The following PKD1L1 variants were observed in gnomAD, a reference collection of about 807,000 sequenced individuals.
PKD1L1 encodes polycystin-1-like protein 1.
In PKD1L1, 236 loss-of-function variants were observed where a neutral mutation model predicts 323.4. The observed-to-expected ratio is 0.73, with a 90% CI of 0.66 to 0.81. The LOEUF (loss-of-function observed/expected upper bound fraction) is 0.81, where lower values mean the gene tolerates loss of function less well. PKD1L1 is among the 40% of genes least tolerant of loss of function. The pLI is 0.00. For missense variants in PKD1L1, 3,320 were observed against 3,508.0 expected (o/e 0.95, Z 1.35); for synonymous variants, 1,344 against 1,335.0 (o/e 1.01, Z -0.15).
Position 47,822,287 on chromosome 7 carries a change from T to TA in PKD1L1, c.6855-1102dup, listed in dbSNP as rs572938587. 5.1e-4 allele frequency among the ~76,000 whole-genome samples: 78 copies of TA among 151,840 alleles called. No homozygotes were observed. The East Asian group carries it at 7.6e-3, about 15-fold the overall frequency. ...TTTAGAATCAGTTTGTCAATATCTG[T>TA]AAAAAAAAGCTTGTGGTATTTTGCC... On this transcript the variant is annotated intron_variant, in intron 45 of 56. Transcript: ENST00000289672.
rs370506190 is a variant in PKD1L1 at position 47,897,954 on chromosome 7, T to C, written c.2271+34A>G. The C allele has an allele frequency of 5.8e-5, 88 of 1,517,740 alleles. No homozygotes were observed. The Admixed American group carries it at 7.2e-4, about 12-fold the overall frequency. The allele number at this position is 1,517,740 out of a possible 1,614,324, so 94.0% of individuals were successfully genotyped here. On this transcript the variant is annotated intron_variant, in intron 14 of 56. Coordinates refer to ENST00000289672, the MANE Select transcript of PKD1L1 (RefSeq NM_138295.5). ...AGGGCGATGAGAAGCATGGGTTTCA[T>C]TGGGCCAGTAGAGCAGTAAGTCAGC...
intron 50 of PKD1L1, among the ~76,000 whole-genome samples, chr7:47,810,955 A>C (rs1784879443): frequency 1.3e-5 from 2 of 152,138 alleles, no homozygotes; most frequent in African/African-American, 4.8e-5. Flanking sequence ...CTATAGGATT[A>C]GTGTCCTTAC....
Position 47,800,740 on chromosome 7 carries a change from C to T in PKD1L1, c.8102G>A (p.Cys2701Tyr), listed in dbSNP as rs1031791671. ...GTCAGACTTGGAAAGGCCAAGGAGG[C>T]AGTCTTTTTGGCTTCTTCTGGGAAA... is the stretch of plus-strand genomic sequence containing the variant. ...FHFPRRSQKDCLLGLSKSDQR... is the reference protein window; with the variant it reads ...FHFPRRSQKDYLLGLSKSDQR... The change falls in exon 54 of 57, where the codon TGC (cysteine) becomes TAC (tyrosine). Residue 2701 changes from cysteine to tyrosine, a missense_variant. By Grantham distance (194) the Cys-to-Tyr change is radical (BLOSUM62 -2). Coordinates refer to ENST00000289672, the MANE Select transcript of PKD1L1 (RefSeq NM_138295.5). 6.2e-7 allele frequency: 1 copy of T among 1,614,120 alleles called. No homozygotes were observed. Among genetic ancestry groups the T allele is most frequent in the African/African-American group, 1.3e-5 (1 of 75,022 alleles).
chr7:47,936,803 C>T (rs1255967684), intron 4 of PKD1L1, 43 bp downstream of exon 4: 1 of 1,404,142 alleles, frequency 7.1e-7, no homozygotes, highest in Non-Finnish European at 1.0e-6. Flanking sequence ...ATGTCATTTG[C>T]ATGTTCAGAA....
intron 40 of PKD1L1, 96 bp from the exon 41 acceptor site, chr7:47,833,348 A>T: frequency 7.2e-7 from 1 of 1,385,026 alleles, no homozygotes. Context: ...TTCTCAGAGG[A>T]CAGGCCTGGC....
rs1187375120 is a variant in PKD1L1, at chr7:47,943,160, AAAAATATATATAT to A, written c.160+223_160+235del. Among the ~76,000 whole-genome samples the A allele has an allele frequency of 8.8e-3, 474 of 54,008 alleles. 1 individual carries two copies. Among genetic ancestry groups the A allele is most frequent in the African/African-American group, 0.016 (224 of 13,912 alleles). 35.4% of individuals were successfully genotyped at this position (54,008 alleles called of 152,430 possible). A position where few individuals can be genotyped will look rare whatever the true frequency, so the allele number is the denominator to read the frequency against. On this transcript the variant is annotated intron_variant, in intron 2 of 56. Transcript: ENST00000289672. ...GACTCCGTCTCAAAAAAAAAAAAAA[AAAAATATATATAT>A]ATATATATATATATATATATATATG... is the stretch of plus-strand genomic sequence containing the variant.
chr7:47,925,812 C>A (rs185388494), intron 7 of PKD1L1, among the ~76,000 whole-genome samples: 1 of 152,094 alleles, frequency 6.6e-6, no homozygotes, highest in African/African-American at 2.4e-5. Context: ...AATTGTCCTA[C>A]GAAAAGAGGA....
At chr7:47,923,161 C>T (rs181804090) in intron 7 of PKD1L1, among the ~76,000 whole-genome samples, 154 of 151,976 alleles carry the variant, frequency 1.0e-3, no homozygotes, top group African/African-American at 3.5e-3. Context: ...GTCACCACTC[C>T]CTAATCTCAA....
chr7:47,879,508 C>T (rs377189186), intron 21 of PKD1L1, among the ~76,000 whole-genome samples: 19 of 151,452 alleles, frequency 1.3e-4, no homozygotes, highest in African/African-American at 4.6e-4. Context: ...TGGCAGGCAG[C>T]TGTAATCCCA....
intron 10 of PKD1L1, among the ~76,000 whole-genome samples, 162 bp from the exon 11 acceptor site, chr7:47,905,487 G>A (rs558937093): frequency 5.9e-5 from 9 of 152,340 alleles, no homozygotes; most frequent in Admixed American, 1.3e-4. Context: ...CTGTGGGCAC[G>A]CGGTAGGCAG....
At chr7:47,882,112 T>A (rs925837717) in intron 19 of PKD1L1, 27 bp from the exon 20 acceptor site, 3 of 1,606,138 alleles carry the variant, frequency 1.9e-6, no homozygotes, top group Non-Finnish European at 1.7e-6. Context: ...AGCCAATAGA[T>A]GTTAAAGAAA....
At chr7:47,897,356 AT>A (rs1302745934) in intron 14 of PKD1L1, among the ~76,000 whole-genome samples, 1 of 152,144 alleles carries the variant, frequency 6.6e-6, no homozygotes, top group East Asian at 1.9e-4. Flanking sequence ...CCACTGTGCA[AT>A]TTGTTCCCAG....
At chr7:47,881,632 C>G (rs74384811) in intron 20 of PKD1L1, among the ~76,000 whole-genome samples, 2,388 of 152,270 alleles carry the variant, frequency 0.016, 56 homozygotes, top group African/African-American at 0.053. Flanking sequence ...AAGGTGCGCA[C>G]CAAGGTGTCT....
intron 7 of PKD1L1, among the ~76,000 whole-genome samples, chr7:47,927,657 G>T (rs1475657662): frequency 6.6e-6 from 1 of 152,144 alleles, no homozygotes. Context: ...GTCATACACT[G>T]GCAGTTGACA....
At chr7:47,843,656 G>A (rs145681477) in intron 33 of PKD1L1, among the ~76,000 whole-genome samples, 33 of 152,286 alleles carry the variant, frequency 2.2e-4, no homozygotes, top group African/African-American at 7.9e-4. Context: ...GGATGGTGCT[G>A]CTTGTTCCCT....
chr7:47,875,985 T>C (rs1786395187), intron 23 of PKD1L1, 112 bp downstream of exon 23: 1 of 1,201,464 alleles, frequency 8.3e-7, no homozygotes, highest in African/African-American at 1.6e-5. Flanking sequence ...AGCATTAAAC[T>C]GATCAAGGTG....
intron 52 of PKD1L1, among the ~76,000 whole-genome samples, chr7:47,807,032 C>T (rs1784793584): frequency 1.3e-5 from 2 of 151,940 alleles, no homozygotes; most frequent in Non-Finnish European, 2.9e-5. Context: ...GGACTCTGTC[C>T]ACCCTGGTCA....
intron 26 of PKD1L1, among the ~76,000 whole-genome samples, chr7:47,859,095 G>A (rs1379994148): frequency 1.3e-5 from 2 of 152,186 alleles, no homozygotes; most frequent in Non-Finnish European, 2.9e-5. Context: ...TAAGAGAACT[G>A]GATTTAAGTC....
chr7:47,895,569 T>C (rs1041461279), intron 14 of PKD1L1, among the ~76,000 whole-genome samples: 3 of 152,164 alleles, frequency 2.0e-5, no homozygotes, highest in African/African-American at 7.2e-5. Flanking sequence ...ATATAGGAGT[T>C]ATGGATATCT....
Sources: allele counts gnomAD v4.1 joint callset (sites outside exome capture counted in the v4.1 genomes callset), GRCh38; gene constraint gnomAD v4.1.1; transcripts MANE v1.5; gene names NCBI Gene and HGNC (gene_info 2026-07-23, HGNC 2026-07-21).